The following ZFR variants were observed in gnomAD, a reference collection of about 807,000 sequenced individuals.
The protein encoded by ZFR is zinc finger RNA-binding protein.
In ZFR, 19 loss-of-function variants were observed where a neutral mutation model predicts 130.7. That is an observed-to-expected ratio of 0.15 (90% CI 0.10 to 0.21). The LOEUF (loss-of-function observed/expected upper bound fraction) is 0.21, where lower values mean the gene tolerates loss of function less well. ZFR is among the 10% of genes least tolerant of loss of function. The pLI is 1.00. For synonymous variants in ZFR, 466 were observed against 456.9 expected (o/e 1.02, Z -0.25); for missense variants, 872 against 1,321.5 (o/e 0.66, Z 5.27).
intron 2 of ZFR, among the ~76,000 whole-genome samples, chr5:32,422,130 C>G (rs1245088419): frequency 6.6e-6 from 1 of 151,466 alleles, no homozygotes; most frequent in Non-Finnish European, 1.5e-5. Flanking sequence ...GTATTTGTCC[C>G]CAAAACATGT....
At chr5:32,402,571 A>G (rs4867439) in intron 8 of ZFR, among the ~76,000 whole-genome samples, 99,376 of 150,284 alleles carry the variant, frequency 0.66, 33,481 homozygotes, top group African/African-American at 0.79. Context: ...ATTCGAGATC[A>G]GTCTGGGCAA....
intron 17 of ZFR, among the ~76,000 whole-genome samples, chr5:32,376,947 C>A (rs1752826604): frequency 6.8e-6 from 1 of 147,602 alleles, no homozygotes; most frequent in South Asian, 2.2e-4. Flanking sequence ...CCACTACACT[C>A]CAGCCTGGGC....
chr5:32,399,659 T>C (rs551723658), intron 9 of ZFR, among the ~76,000 whole-genome samples: 4 of 152,234 alleles, frequency 2.6e-5, no homozygotes, highest in Non-Finnish European at 5.9e-5. Flanking sequence ...AATAAATATA[T>C]TGGTTCTCTT....
intron 15 of ZFR, among the ~76,000 whole-genome samples, chr5:32,381,027 T>C (rs934248226): frequency 9.2e-5 from 14 of 152,040 alleles, no homozygotes; most frequent in Non-Finnish European, 2.1e-4. Context: ...TGAAATGCCC[T>C]TTAAAATTTA....
At chr5:32,435,475 C>T (rs998180178) in intron 2 of ZFR, among the ~76,000 whole-genome samples, 2 of 152,174 alleles carry the variant, frequency 1.3e-5, no homozygotes, top group Non-Finnish European at 2.9e-5. Context: ...GTAACTTAAA[C>T]AGAAGAGTGT....
chr5:32,386,224 G>A (rs1433725364), intron 14 of ZFR, among the ~76,000 whole-genome samples: 1 of 152,010 alleles, frequency 6.6e-6, no homozygotes, highest in Admixed American at 6.6e-5. Context: ...ACTTTACAGT[G>A]ATGCGATGAT....
At position 32,397,243 on chromosome 5, in the gene ZFR, C is replaced by T. The variant is rs1240547445; in HGVS notation, c.1809G>A (p.Gly603=). Reference sequence around the variant, plus strand: ...CTTTATATTGAAGTCTGTGTCTTCGCCCTTTTAAGTGCATCTCCTTAGCAT... The same window carrying T: ...CTTTATATTGAAGTCTGTGTCTTCGTCCTTTTAAGTGCATCTCCTTAGCAT... ...DPNAKEMHLK[G]RRHRLQYKKK... is the part of the protein sequence containing the mutation. Residue 603 remains glycine, a synonymous_variant, in exon 10 of 20, where the codon GGG becomes GGA. Coordinates refer to ENST00000265069, the MANE Select transcript of ZFR (RefSeq NM_016107.5). 1 of 1,610,758 alleles carries T rather than the reference C, an allele frequency of 6.2e-7. No individual in the cohort carries two copies. The highest frequency in any genetic ancestry group is 8.5e-7 in the Non-Finnish European group (1 of 1,178,498).
intron 17 of ZFR, among the ~76,000 whole-genome samples, chr5:32,376,336 GA>G (rs923448763): frequency 4.0e-5 from 6 of 151,588 alleles, no homozygotes; most frequent in Admixed American, 1.3e-4. Context: ...AAAATTCGAT[GA>G]AAAAAAAGCT....
intron 5 of ZFR, among the ~76,000 whole-genome samples, chr5:32,414,729 T>C (rs1753781036): frequency 6.6e-6 from 1 of 152,152 alleles, no homozygotes. Context: ...AGCCCAAGAC[T>C]CATAATGAGC....
intron 19 of ZFR, among the ~76,000 whole-genome samples, chr5:32,358,012 T>C (rs1264671974): frequency 2.0e-5 from 3 of 152,252 alleles, no homozygotes; most frequent in Non-Finnish European, 4.4e-5. Flanking sequence ...TTTTGATATC[T>C]GGTAGAGTTG....
At chr5:32,402,592 C>A (rs912914059) in intron 8 of ZFR, among the ~76,000 whole-genome samples, 2 of 149,754 alleles carry the variant, frequency 1.3e-5, no homozygotes, top group Non-Finnish European at 3.0e-5. Flanking sequence ...TGTGGTGAAA[C>A]CCCATCTCTA....
chr5:32,444,315 C>G lies in ZFR; in HGVS notation c.51G>C (p.Leu17=), dbSNP rs1316687326. The G allele has an allele frequency of 1.3e-6, 2 of 1,541,902 alleles. No homozygotes were observed. Among genetic ancestry groups the G allele is most frequent in the South Asian group, 1.2e-5 (1 of 82,572 alleles). Residue 17 remains leucine (L), a synonymous_variant, in exon 2 of 20, where the codon CTG becomes CTC. Coordinates refer to ENST00000265069, the MANE Select transcript of ZFR (RefSeq NM_016107.5). ...CGGTCGCCATTTTGGCATCTTCCCCCAGCCGGCTGGGCACTGCGGCGGGCA... is the reference window on the plus strand; with the variant it reads ...CGGTCGCCATTTTGGCATCTTCCCCGAGCCGGCTGGGCACTGCGGCGGGCA... ...VVSFTYVPSR[L]GEDAKMATGN...
chr5:32,419,710 T>G, intron 3 of ZFR, 111 bp downstream of exon 3: 1 of 1,481,872 alleles, frequency 6.7e-7, no homozygotes, highest in Non-Finnish European at 8.9e-7. Flanking sequence ...TATCAGTACA[T>G]GTGTATTTTG....
At chr5:32,387,807 C>T (rs971091444) in intron 13 of ZFR, 108 bp from the exon 14 acceptor site, 6 of 1,094,526 alleles carry the variant, frequency 5.5e-6, no homozygotes, top group Non-Finnish European at 7.5e-6. Context: ...ATTAAAATTT[C>T]CATCAACCGC....
chr5:32,356,430 T>C (rs1450801382), intron 19 of ZFR, among the ~76,000 whole-genome samples: 3 of 152,220 alleles, frequency 2.0e-5, no homozygotes, highest in Non-Finnish European at 4.4e-5. Context: ...TTTTGTTTTT[T>C]GAGACAGAGT....
At chr5:32,383,889 G>A in intron 15 of ZFR, 1 of 437,120 alleles carries the variant, frequency 2.3e-6, no homozygotes, top group Non-Finnish European at 4.6e-6. Context: ...TCAGCTCAGT[G>A]TCTTGAAGCA....
chr5:32,415,339 C>A, intron 4 of ZFR, 152 bp from the exon 5 acceptor site: 1 of 616,460 alleles, frequency 1.6e-6, no homozygotes. Context: ...GCATAAAACT[C>A]TTATTACCAA....
chr5:32,390,277 C>A lies in ZFR; in HGVS notation c.2140G>T (p.Ala714Ser), dbSNP rs778656631. ...PGMPPQPQGP[A>S]PLRRPDSSDD... Reference sequence around the variant, plus strand: ...GTATCACCAACGTGGACACTCACTGCAGGCCCCTGAGGCTGAGGAGGCATG... The same window carrying A: ...GTATCACCAACGTGGACACTCACTGAAGGCCCCTGAGGCTGAGGAGGCATG... The change falls in exon 12 of 20, where the codon GCA becomes TCA. Residue 714 changes from alanine (A) to serine (S), a missense_variant and splice_region_variant. Transcript: ENST00000265069. 1 of 1,612,232 alleles carries A rather than the reference C, an allele frequency of 6.2e-7. No individual in the cohort carries two copies. The highest frequency in any genetic ancestry group is 8.5e-7 in the Non-Finnish European group (1 of 1,178,534).
intron 1 of ZFR, 42 bp downstream of exon 1, chr5:32,444,580 G>T (rs1754563545): frequency 6.9e-7 from 1 of 1,457,766 alleles, no homozygotes. Flanking sequence ...CGGGGCCAGG[G>T]AGGGGGCCGG....
Sources: allele counts gnomAD v4.1 joint callset (sites outside exome capture counted in the v4.1 genomes callset), GRCh38; gene constraint gnomAD v4.1.1; transcripts MANE v1.5; gene names NCBI Gene and HGNC (gene_info 2026-07-23, HGNC 2026-07-21).